Variants in FRYL observed in about 807,000 individuals in gnomAD.
FRYL encodes the protein FRY like transcription coactivator, also known as protein furry homolog-like.
In FRYL, 150 loss-of-function variants were observed where a neutral mutation model predicts 351.2. The observed-to-expected ratio is 0.43, with a 90% CI of 0.37 to 0.49. The LOEUF is 0.49. Ranked by LOEUF, FRYL falls within the 20% of genes least tolerant of loss-of-function variation. FRYL has a pLI of 0.00. For missense variants in FRYL, 3,036 were observed against 3,619.3 expected (o/e 0.84, Z 4.13); for synonymous variants, 1,153 against 1,257.1 (o/e 0.92, Z 1.75).
Position 48,632,097 on chromosome 4 carries a change from T to A in FRYL, c.120+2194A>T, listed in dbSNP as rs868444154. ...AAAAAAAAAAAAAAAAAAAAATATA[T>A]ATATATATATATATATATATATATA... On this transcript the variant is annotated intron_variant, in intron 4 of 63. Transcript: ENST00000358350. Among the ~76,000 whole-genome samples the A allele has an allele frequency of 1.7e-3, 28 of 16,458 alleles. 1 individual carries two copies. Among genetic ancestry groups the A allele is most frequent in the South Asian group, 3.3e-3 (1 of 304 alleles). 10.8% of individuals were successfully genotyped at this position (16,458 alleles called of 152,430 possible).
chr4:48,634,399 A>C lies in FRYL; in HGVS notation c.12T>G (p.Ile4Met). 1 of 1,612,270 alleles carries C rather than the reference A, an allele frequency of 6.2e-7. No homozygotes were observed. Among genetic ancestry groups the C allele is most frequent in the South Asian group, 1.1e-5 (1 of 91,050 alleles). ...CAGGTTTGACATCTGGGTCAATCGT[A>C]ATGTTTGACATGATGATATTTTTTT... MSN[I>M]TIDPDVKPGE... Residue 4 changes from isoleucine to methionine, a missense_variant, in exon 4 of 64, where the codon ATT becomes ATG. Ile to Met is a conservative substitution (Grantham distance 10). Around this residue, in one of 7 missense-constraint regions of FRYL, gnomAD observed 457 missense variants for 566.6 expected, o/e 0.81. Transcript: ENST00000358350.
intron 13 of FRYL, among the ~76,000 whole-genome samples, chr4:48,601,738 A>C (rs892157514): frequency 2.0e-5 from 3 of 152,176 alleles, no homozygotes; most frequent in Admixed American, 6.5e-5. Context: ...TAAAAGAATT[A>C]ACAAATATTC....
At chr4:48,759,285 G>A (rs1267587608) in intron 1 of FRYL, among the ~76,000 whole-genome samples, 5 of 151,988 alleles carry the variant, frequency 3.3e-5, no homozygotes, top group Non-Finnish European at 2.9e-5. Context: ...AAAGAAAATG[G>A]ACACCTTTTT....
intron 13 of FRYL, among the ~76,000 whole-genome samples, chr4:48,599,753 T>C (rs1336648471): frequency 1.3e-5 from 2 of 152,082 alleles, no homozygotes; most frequent in South Asian, 2.1e-4. Context: ...AAAAATCAAA[T>C]GAGATTCTGT....
chr4:48,639,304 A>G (rs187768510), intron 3 of FRYL, among the ~76,000 whole-genome samples: 1 of 152,246 alleles, frequency 6.6e-6, no homozygotes, highest in Admixed American at 6.5e-5. Context: ...TCAAAAAAGT[A>G]ATCAAGACAG....
At chr4:48,624,884 A>G (rs1751456309) in intron 4 of FRYL, among the ~76,000 whole-genome samples, 1 of 152,170 alleles carries the variant, frequency 6.6e-6, no homozygotes, top group Non-Finnish European at 1.5e-5. Flanking sequence ...AGTAAGAGGG[A>G]ACTCCTCCTG....
At chr4:48,728,083 T>C (rs573698316) in intron 1 of FRYL, among the ~76,000 whole-genome samples, 2 of 152,260 alleles carry the variant, frequency 1.3e-5, no homozygotes, top group South Asian at 4.1e-4. Flanking sequence ...CAGTACATCA[T>C]GTCCAGCTAC....
chr4:48,626,421 ATAAT>A (rs1204689154), intron 4 of FRYL, among the ~76,000 whole-genome samples: 4 of 152,150 alleles, frequency 2.6e-5, no homozygotes, highest in African/African-American at 9.6e-5. Flanking sequence ...ATTAACCAAT[ATAAT>A]TAATCAAATT....
intron 1 of FRYL, among the ~76,000 whole-genome samples, chr4:48,767,686 T>C (rs189192564): frequency 2.1e-4 from 32 of 152,290 alleles, no homozygotes; most frequent in African/African-American, 7.0e-4. Flanking sequence ...GGAATATTGG[T>C]GAAACGGTAC....
At chr4:48,645,859 G>A (rs962186952) in intron 3 of FRYL, 2 of 152,124 alleles carry the variant, frequency 1.3e-5, no homozygotes, top group Admixed American at 1.3e-4. Flanking sequence ...TAGCCATCAA[G>A]TAGTTCTATT....
chr4:48,620,834 C>T, intron 5 of FRYL, 56 bp from the exon 6 acceptor site: 2 of 1,447,868 alleles, frequency 1.4e-6, no homozygotes, highest in Non-Finnish European at 1.9e-6. Flanking sequence ...GTACCACACT[C>T]TTAAGTTCTA....
chr4:48,584,307 C>T (rs2149176068), intron 19 of FRYL, among the ~76,000 whole-genome samples: 1 of 152,272 alleles, frequency 6.6e-6, no homozygotes, highest in Non-Finnish European at 1.5e-5. Context: ...GAGTTATCCA[C>T]AACAGAGGCA....
intron 35 of FRYL, among the ~76,000 whole-genome samples, chr4:48,555,792 A>T (rs960501375): frequency 6.6e-6 from 1 of 152,266 alleles, no homozygotes; most frequent in African/African-American, 2.4e-5. Context: ...CACCTTGGCA[A>T]TGATGCTTTC....
chr4:48,580,770 G>C (rs1740709823), intron 22 of FRYL, 95 bp downstream of exon 22: 1 of 762,174 alleles, frequency 1.3e-6, no homozygotes, highest in Non-Finnish European at 2.2e-6. Context: ...CATTTGTTAA[G>C]GAAGTTATTT....
chr4:48,661,940 T>C (rs1560814502), intron 3 of FRYL, among the ~76,000 whole-genome samples: 1 of 152,176 alleles, frequency 6.6e-6, no homozygotes, highest in Non-Finnish European at 1.5e-5. Flanking sequence ...AAATTCACTA[T>C]GTAGAACTAA....
At chr4:48,768,353 G>A (rs1775172695) in intron 1 of FRYL, among the ~76,000 whole-genome samples, 2 of 152,162 alleles carry the variant, frequency 1.3e-5, no homozygotes, top group South Asian at 2.1e-4. Context: ...AACGAAAATC[G>A]TAGCACTGGC....
At chr4:48,739,096 G>A (rs1195652603) in intron 1 of FRYL, among the ~76,000 whole-genome samples, 1 of 152,056 alleles carries the variant, frequency 6.6e-6, no homozygotes, top group Non-Finnish European at 1.5e-5. Flanking sequence ...GCCCAGAAAT[G>A]GATTCACATA....
chr4:48,611,866 T>C (rs1748276904), intron 7 of FRYL, among the ~76,000 whole-genome samples: 1 of 152,172 alleles, frequency 6.6e-6, no homozygotes, highest in South Asian at 2.1e-4. Context: ...TTATACCTAC[T>C]TGATGGGAAA....
chr4:48,682,155 A>G (rs182559489), intron 3 of FRYL, among the ~76,000 whole-genome samples: 1 of 152,330 alleles, frequency 6.6e-6, no homozygotes, highest in East Asian at 1.9e-4. Flanking sequence ...GTGAAACACA[A>G]TACAATCTCA....
Sources: gnomAD v4.1 joint callset for allele counts (sites outside exome capture counted in the v4.1 genomes callset) on GRCh38, gnomAD v4.1.1 for gene constraint, gnomAD v4.1.1 regional missense constraint, MANE v1.5 for transcripts, NCBI Gene and HGNC (gene_info 2026-07-23, HGNC 2026-07-21) for gene names.